The following ST6GALNAC3 variants were observed in gnomAD, a reference collection of about 807,000 sequenced individuals.
ST6GALNAC3 encodes alpha-N-acetylgalactosaminide alpha-2,6-sialyltransferase 3.
In ST6GALNAC3, 25 loss-of-function variants were observed where a neutral mutation model predicts 32.7. The observed-to-expected ratio is 0.76, with a 90% CI of 0.56 to 1.07. ST6GALNAC3 has a LOEUF of 1.07. Among genes scored for constraint, ST6GALNAC3 ranks in the 50% least tolerant of loss-of-function variants. The probability of loss-of-function intolerance (pLI) is 0.00; values close to 1 mark genes in which losing one functional copy is unlikely to be tolerated. For synonymous variants in ST6GALNAC3, 129 were observed against 133.1 expected (o/e 0.97, Z 0.21); for missense variants, 355 against 382.4 (o/e 0.93, Z 0.60).
intron 2 of ST6GALNAC3, among the ~76,000 whole-genome samples, 172 bp from the exon 3 acceptor site, chr1:76,411,836 G>A (rs1212760359): frequency 3.3e-5 from 5 of 152,082 alleles, no homozygotes; most frequent in African/African-American, 1.2e-4. Flanking sequence ...ATGGAAGCAT[G>A]CTGTTAACTT....
intron 3 of ST6GALNAC3, among the ~76,000 whole-genome samples, chr1:76,552,158 C>T (rs1664676393): frequency 6.6e-6 from 1 of 152,124 alleles, no homozygotes; most frequent in African/African-American, 2.4e-5. Flanking sequence ...ATGTGAGCTC[C>T]CTCTCTGGAG....
At chr1:76,563,451 G>A (rs940778210) in intron 3 of ST6GALNAC3, among the ~76,000 whole-genome samples, 41 of 152,218 alleles carry the variant, frequency 2.7e-4, no homozygotes, top group African/African-American at 8.2e-4. Flanking sequence ...TTAAAATATT[G>A]CTCTTTTCAC....
intron 3 of ST6GALNAC3, among the ~76,000 whole-genome samples, chr1:76,491,684 C>T (rs867626591): frequency 6.6e-6 from 1 of 152,160 alleles, no homozygotes; most frequent in African/African-American, 2.4e-5. Context: ...CACTATATCT[C>T]CCCAGCTACA....
chr1:76,411,965 G>C (rs753207849), intron 2 of ST6GALNAC3, 43 bp from the exon 3 acceptor site: 2 of 1,581,018 alleles, frequency 1.3e-6, no homozygotes, highest in East Asian at 4.5e-5. Flanking sequence ...GTTTGACTAA[G>C]TGGAATTTAC....
At chr1:76,574,278 C>T (rs1235201485) in intron 3 of ST6GALNAC3, among the ~76,000 whole-genome samples, 1 of 146,194 alleles carries the variant, frequency 6.8e-6, no homozygotes, top group East Asian at 1.9e-4. Flanking sequence ...TAAAATGAGA[C>T]AGTCTTATAA....
At chr1:76,104,288 A>G (rs752616807) in intron 1 of ST6GALNAC3, among the ~76,000 whole-genome samples, 13 of 152,178 alleles carry the variant, frequency 8.5e-5, no homozygotes, top group South Asian at 2.1e-4. Flanking sequence ...AGGGATTTAC[A>G]TTTGCTTCTG....
At chr1:76,297,051 C>A (rs542177157) in intron 1 of ST6GALNAC3, among the ~76,000 whole-genome samples, 1 of 151,874 alleles carries the variant, frequency 6.6e-6, no homozygotes, top group Non-Finnish European at 1.5e-5. Flanking sequence ...CTGTATAGAA[C>A]TTGAAAGCCT....
chr1:76,572,386 CAT>C (rs1262791809), intron 3 of ST6GALNAC3, among the ~76,000 whole-genome samples: 2 of 152,012 alleles, frequency 1.3e-5, no homozygotes, highest in Admixed American at 6.6e-5. Context: ...GCCAGGTAAA[CAT>C]AAGAATAGAG....
chr1:76,142,191 T>C (rs1650370141), intron 1 of ST6GALNAC3, among the ~76,000 whole-genome samples: 1 of 152,136 alleles, frequency 6.6e-6, no homozygotes. Context: ...TCCATCTTTG[T>C]TAGGGCAGCA....
intron 1 of ST6GALNAC3, among the ~76,000 whole-genome samples, chr1:76,076,862 G>A (rs1646823148): frequency 6.6e-6 from 1 of 152,146 alleles, no homozygotes; most frequent in Non-Finnish European, 1.5e-5. Context: ...GGCCACACAG[G>A]GTTAATGACA....
intron 3 of ST6GALNAC3, among the ~76,000 whole-genome samples, chr1:76,451,413 C>T (rs1300773086): frequency 6.6e-6 from 1 of 152,182 alleles, no homozygotes; most frequent in African/African-American, 2.4e-5. Flanking sequence ...AACACAAGAA[C>T]AGCATGGGAG....
intron 1 of ST6GALNAC3, among the ~76,000 whole-genome samples, chr1:76,260,280 G>A (rs2100725869): frequency 6.6e-6 from 1 of 152,304 alleles, no homozygotes; most frequent in Admixed American, 6.5e-5. Flanking sequence ...TTATTCATTG[G>A]CCTACACTTT....
chr1:76,162,244 A>G (rs1651856972), intron 1 of ST6GALNAC3, among the ~76,000 whole-genome samples: 1 of 152,352 alleles, frequency 6.6e-6, no homozygotes, highest in East Asian at 1.9e-4. Flanking sequence ...AATCCATGTA[A>G]AAGATGCTCA....
intron 1 of ST6GALNAC3, among the ~76,000 whole-genome samples, chr1:76,246,729 T>C (rs752612475): frequency 1.3e-5 from 2 of 152,164 alleles, no homozygotes; most frequent in African/African-American, 4.8e-5. Flanking sequence ...GGTGCTTAGC[T>C]TCCTTGCATT....
intron 1 of ST6GALNAC3, among the ~76,000 whole-genome samples, chr1:76,305,728 G>A (rs1390207488): frequency 6.6e-6 from 1 of 151,998 alleles, no homozygotes; most frequent in Admixed American, 6.6e-5. Flanking sequence ...TAGAGTGTAC[G>A]TGCATGAATA....
chr1:76,465,487 G>A (rs1049388727), intron 3 of ST6GALNAC3, among the ~76,000 whole-genome samples: 1 of 152,086 alleles, frequency 6.6e-6, no homozygotes, highest in African/African-American at 2.4e-5. Flanking sequence ...AAGCAATCTG[G>A]CCAGTTATAA....
At position 76,485,502 on chromosome 1, in the gene ST6GALNAC3, A is replaced by G. The variant is rs183072011; in HGVS notation, c.623+73085A>G. On this transcript the variant is annotated intron_variant, in intron 3 of 4. Coordinates refer to ENST00000328299, the MANE Select transcript of ST6GALNAC3 (RefSeq NM_152996.4). Reference sequence around the variant, plus strand: ...CCATTTCTTCTAGATTTTCTAGTTTATTTGCATAGAGGTGTTTATAATATT... The same window carrying G: ...CCATTTCTTCTAGATTTTCTAGTTTGTTTGCATAGAGGTGTTTATAATATT... Among the ~76,000 whole-genome samples, 1,028 of 152,216 alleles carry G rather than the reference A, an allele frequency of 6.8e-3. 10 individuals carry two copies. The highest frequency in any genetic ancestry group is 0.018 in the South Asian group (89 of 4,816).
chr1:76,472,846 A>T (rs1659122227), intron 3 of ST6GALNAC3, among the ~76,000 whole-genome samples: 1 of 152,134 alleles, frequency 6.6e-6, no homozygotes, highest in African/African-American at 2.4e-5. Flanking sequence ...AGGTAGATAC[A>T]GGCCAGGAAT....
chr1:76,081,045 G>T (rs113644334), intron 1 of ST6GALNAC3, among the ~76,000 whole-genome samples: 3,149 of 152,286 alleles, frequency 0.021, 48 homozygotes, highest in Non-Finnish European at 0.033. Context: ...CAGCCAGAGT[G>T]CTCAGGCTGG....
Sources: gnomAD v4.1 joint callset for allele counts (sites outside exome capture counted in the v4.1 genomes callset) on GRCh38, gnomAD v4.1.1 for gene constraint, MANE v1.5 for transcripts, NCBI Gene and HGNC (gene_info 2026-07-23, HGNC 2026-07-21) for gene names.